Variants in STX8 observed in about 807,000 individuals in gnomAD.
STX8 encodes syntaxin 8, also known as syntaxin-8.
Under a neutral mutation model 37.5 loss-of-function variants are expected in STX8, and 23 were observed. The observed-to-expected ratio is 0.61, with a 90% CI of 0.44 to 0.87. The LOEUF is 0.87. Ranked by LOEUF, STX8 falls within the 40% of genes least tolerant of loss-of-function variation. The pLI, the probability that STX8 is intolerant of heterozygous loss-of-function variation, is 0.00. For synonymous variants in STX8, 115 were observed against 99.1 expected (o/e 1.16, Z -0.95); for missense variants, 313 against 284.7 (o/e 1.10, Z -0.71).
chr17:9,503,420 T>C (rs1904696413), intron 5 of STX8, among the ~76,000 whole-genome samples: 1 of 152,214 alleles, frequency 6.6e-6, no homozygotes, highest in Non-Finnish European at 1.5e-5. Context: ...CATATACATA[T>C]GTCAAAGCTT....
chr17:9,338,255 T>C (rs1006786873), intron 7 of STX8, among the ~76,000 whole-genome samples: 2 of 152,030 alleles, frequency 1.3e-5, no homozygotes, highest in Non-Finnish European at 2.9e-5. Flanking sequence ...GTTTTCACCA[T>C]GTTAGCCAGG....
At chr17:9,524,063 T>G (rs1047768730) in intron 4 of STX8, among the ~76,000 whole-genome samples, 1 of 152,236 alleles carries the variant, frequency 6.6e-6, no homozygotes, top group Non-Finnish European at 1.5e-5. Flanking sequence ...TTCTGGCATC[T>G]TTTCCCTCTG....
intron 6 of STX8, among the ~76,000 whole-genome samples, chr17:9,420,831 A>C (rs1372468455): frequency 6.6e-6 from 1 of 152,134 alleles, no homozygotes; most frequent in African/African-American, 2.4e-5. Flanking sequence ...CTCTCGTTTT[A>C]TCCAACCAGA....
At chr17:9,445,648 T>A (rs1194360026) in intron 6 of STX8, among the ~76,000 whole-genome samples, 1 of 152,008 alleles carries the variant, frequency 6.6e-6, no homozygotes, top group African/African-American at 2.4e-5. Flanking sequence ...GTACCGTGTT[T>A]TATAAGTTTG....
chr17:9,419,160 C>T (rs529903034), intron 6 of STX8, among the ~76,000 whole-genome samples: 18 of 152,050 alleles, frequency 1.2e-4, no homozygotes, highest in African/African-American at 2.2e-4. Context: ...CTCTTGGCCC[C>T]GAGTGAGCCT....
chr17:9,413,853 C>A (rs367734408), intron 6 of STX8, among the ~76,000 whole-genome samples: 29 of 148,930 alleles, frequency 1.9e-4, no homozygotes, highest in Admixed American at 4.7e-4. Context: ...AATATATGTA[C>A]GTATGTAAGT....
intron 2 of STX8, among the ~76,000 whole-genome samples, chr17:9,567,745 G>A (rs1907518951): frequency 6.6e-6 from 1 of 152,110 alleles, no homozygotes; most frequent in African/African-American, 2.4e-5. Context: ...GGAGTGCAGT[G>A]GCACGATCTT....
chr17:9,391,511 T>TAC (rs571586723), intron 6 of STX8, among the ~76,000 whole-genome samples: 14 of 151,724 alleles, frequency 9.2e-5, no homozygotes, highest in South Asian at 6.3e-4. Context: ...GGTACATAAA[T>TAC]ACACACACAC....
At chr17:9,486,063 A>T (rs1486299837) in intron 6 of STX8, among the ~76,000 whole-genome samples, 1 of 152,240 alleles carries the variant, frequency 6.6e-6, no homozygotes, top group Non-Finnish European at 1.5e-5. Flanking sequence ...CATAAATAAA[A>T]GATCCTAACA....
chr17:9,289,100 C>T (rs371975248), intron 7 of STX8, among the ~76,000 whole-genome samples: 2 of 152,138 alleles, frequency 1.3e-5, no homozygotes, highest in South Asian at 4.2e-4. Flanking sequence ...TATGGCAATA[C>T]CGGAAGCTAG....
chr17:9,378,420 C>T (rs2142284021), intron 7 of STX8, 132 bp downstream of exon 7: 1 of 716,910 alleles, frequency 1.4e-6, no homozygotes, highest in South Asian at 1.7e-5. Flanking sequence ...AATTTCAGTG[C>T]TTCATCAAAT....
At chr17:9,503,082 G>A (rs1331319759) in intron 5 of STX8, among the ~76,000 whole-genome samples, 1 of 116,180 alleles carries the variant, frequency 8.6e-6, no homozygotes, top group Non-Finnish European at 1.6e-5. Context: ...CTCCAGTCTA[G>A]GCAGCAAAGC....
intron 7 of STX8, among the ~76,000 whole-genome samples, chr17:9,359,751 G>A (rs1294185517): frequency 2.0e-5 from 3 of 151,966 alleles, no homozygotes; most frequent in Non-Finnish European, 2.9e-5. Context: ...CTCGTGATCC[G>A]CCCGCCTTGG....
chr17:9,506,281 T>A (rs1453487897), intron 4 of STX8, among the ~76,000 whole-genome samples: 1 of 151,896 alleles, frequency 6.6e-6, no homozygotes, highest in Middle Eastern at 3.4e-3. Flanking sequence ...TTCTGACCAA[T>A]TCAACAAAGA....
chr17:9,439,773 C>T (rs1218223713), intron 6 of STX8, among the ~76,000 whole-genome samples: 1 of 151,916 alleles, frequency 6.6e-6, no homozygotes, highest in Non-Finnish European at 1.5e-5. Context: ...GGATTACAGG[C>T]GTGAGTGAGC....
intron 6 of STX8, among the ~76,000 whole-genome samples, chr17:9,461,483 A>G (rs146445818): frequency 3.9e-5 from 6 of 152,300 alleles, no homozygotes; most frequent in African/African-American, 1.4e-4. Flanking sequence ...TATAAAGTCA[A>G]GAAGAGATAG....
chr17:9,322,714 G>A lies in STX8; in HGVS notation c.643+55838C>T, dbSNP rs1909616643. Among the ~76,000 whole-genome samples, 6 of 151,112 alleles carry A rather than the reference G, an allele frequency of 4.0e-5. No individual in the cohort carries two copies. The South Asian group carries it at 1.3e-3, about 32-fold the overall frequency. On this transcript the variant is annotated intron_variant, in intron 7 of 7. Coordinates refer to ENST00000306357, the MANE Select transcript of STX8 (RefSeq NM_004853.3). ...AGTCTTATATTGTGAGCAGTGGAATGGACAGGCCATTTAAGAGGGCAGGGA... is the reference window on the plus strand; with the variant it reads ...AGTCTTATATTGTGAGCAGTGGAATAGACAGGCCATTTAAGAGGGCAGGGA...
chr17:9,501,188 G>T (rs1485570886), intron 5 of STX8, among the ~76,000 whole-genome samples: 4 of 152,040 alleles, frequency 2.6e-5, no homozygotes, highest in Non-Finnish European at 4.4e-5. Context: ...TGCCCAGGAA[G>T]CTTTCTTTTG....
chr17:9,370,465 T>C (rs1014532217), intron 7 of STX8, among the ~76,000 whole-genome samples: 2 of 152,190 alleles, frequency 1.3e-5, no homozygotes, highest in African/African-American at 4.8e-5. Context: ...ACGCCACACC[T>C]GTGCTGCATG....
Sources: gnomAD v4.1 joint callset for allele counts (sites outside exome capture counted in the v4.1 genomes callset) on GRCh38, gnomAD v4.1.1 for gene constraint, MANE v1.5 for transcripts, NCBI Gene and HGNC (gene_info 2026-07-23, HGNC 2026-07-21) for gene names.